ATP13A2: variants seen among roughly 807,000 people sequenced by gnomAD.
ATP13A2 encodes polyamine-transporting ATPase 13A2.
In ATP13A2, 83 loss-of-function variants were observed where a neutral mutation model predicts 138.3. That is an observed-to-expected ratio of 0.60 (90% CI 0.50 to 0.72). The LOEUF (loss-of-function observed/expected upper bound fraction) is 0.72. ATP13A2 is among the 30% of genes least tolerant of loss of function. The pLI is 0.00. For missense variants in ATP13A2, 1,402 were observed against 1,606.4 expected (o/e 0.87, Z 2.17); for synonymous variants, 663 against 699.0 (o/e 0.95, Z 0.81).
intron 21 of ATP13A2, 21 bp downstream of exon 21, chr1:16,990,106 G>A: frequency 6.2e-7 from 1 of 1,614,160 alleles, no homozygotes; most frequent in Non-Finnish European, 8.5e-7. Flanking sequence ...AGGTACAGCT[G>A]GAACTCTGGG....
At position 16,997,089 on chromosome 1, in the gene ATP13A2, A is replaced by G. The variant is rs1570833382; in HGVS notation, c.1126T>C (p.Cys376Arg). ...CGGGCCTGCAAGATGAGGGTCCCGC[A>G]GAAGAGTGTGTGCCGCCGGTGTGTC... ...AETHRRHTLF[C>R]GTLILQARAY... The change falls in exon 12 of 29, where the codon TGC becomes CGC. Residue 376 changes from cysteine (C) to arginine (R), a missense_variant. Cys to Arg is a radical substitution (Grantham distance 180). Transcript: ENST00000326735. The G allele has an allele frequency of 1.2e-6, 2 of 1,613,666 alleles. No individual in the cohort carries two copies. The highest frequency in any genetic ancestry group is 8.5e-7 in the Non-Finnish European group (1 of 1,180,004).
intron 15 of ATP13A2, among the ~76,000 whole-genome samples, chr1:16,994,875 G>T (rs896929548): frequency 1.3e-5 from 2 of 152,108 alleles, no homozygotes; most frequent in Admixed American, 6.5e-5. Context: ...TATTGGCCAG[G>T]CTGGTCTTGA....
At chr1:17,010,416 T>C (rs2077741966) in intron 1 of ATP13A2, among the ~76,000 whole-genome samples, 1 of 151,992 alleles carries the variant, frequency 6.6e-6, no homozygotes, top group Non-Finnish European at 1.5e-5. Flanking sequence ...TCCCATGGAG[T>C]GCTCACCATG....
chr1:17,005,294 G>A, intron 3 of ATP13A2, 80 bp downstream of exon 3: 3 of 1,541,524 alleles, frequency 1.9e-6, no homozygotes, highest in Non-Finnish European at 2.6e-6. Context: ...TCAGTGGCCG[G>A]GTTGGCACCC....
chr1:16,990,374 G>A (rs1232002569), intron 20 of ATP13A2, 87 bp from the exon 21 acceptor site: 1 of 1,542,332 alleles, frequency 6.5e-7, no homozygotes, highest in Non-Finnish European at 8.9e-7. Flanking sequence ...AAACAGGCTG[G>A]ATGAAATCCG....
At chr1:17,007,583 GCT>G (rs2077607852) in intron 1 of ATP13A2, among the ~76,000 whole-genome samples, 3 of 128,968 alleles carry the variant, frequency 2.3e-5, no homozygotes, top group Admixed American at 9.6e-5. Context: ...AGCGAGTCTC[GCT>G]CTGTCACCCA....
In ATP13A2 at chr1:16,992,253, G is replaced by T. The variant is rs1293019983; in HGVS notation, c.1995C>A (p.Asn665Lys). The stretch of plus-strand genomic sequence containing the variant: ...GGCTTCCCCCTGCACCTGTCTCGGG[G>T]TTGCAGAGCCCTGCCACCAGCTCCG... ...GSPELVAGLC[N>K]PETVPTDFAQ... The change falls in exon 18 of 29, where the codon AAC (asparagine) becomes AAA (lysine). Residue 665 changes from asparagine to lysine, a missense_variant. By Grantham distance (94) the Asn-to-Lys change is moderately conservative. Coordinates refer to ENST00000326735, the MANE Select transcript of ATP13A2 (RefSeq NM_022089.4). 6.8e-6 allele frequency: 11 copies of T among 1,612,592 alleles called. No homozygotes were observed. The East Asian group carries it at 2.5e-4, about 36-fold the overall frequency.
intron 20 of ATP13A2, among the ~76,000 whole-genome samples, chr1:16,991,140 G>A (rs570537535): frequency 3.3e-5 from 5 of 152,100 alleles, no homozygotes; most frequent in Admixed American, 6.6e-5. Context: ...TAGTAGAGAC[G>A]GGGTTTCACT....
chr1:16,993,859 C>T (rs1165403212), intron 15 of ATP13A2, 24 bp from the exon 16 acceptor site: 1 of 1,531,752 alleles, frequency 6.5e-7, no homozygotes. Context: ...GTGGGTGGGG[C>T]AGCGATGAGT....
chr1:17,010,937 G>A (rs1282944763), intron 1 of ATP13A2, among the ~76,000 whole-genome samples: 3 of 152,142 alleles, frequency 2.0e-5, no homozygotes, highest in Non-Finnish European at 4.4e-5. Flanking sequence ...GGGAGTGTGT[G>A]TGAACCATCT....
At chr1:17,010,339 A>C (rs1359801060) in intron 1 of ATP13A2, among the ~76,000 whole-genome samples, 1 of 152,032 alleles carries the variant, frequency 6.6e-6, no homozygotes, top group Non-Finnish European at 1.5e-5. Context: ...CAGGCTCCCA[A>C]AGTGCTGGGA....
Position 16,996,422 on chromosome 1 carries a change from G to C in ATP13A2, c.1270C>G (p.His424Asp), listed in dbSNP as rs2077126385. 1 of 1,614,186 alleles carries C rather than the reference G, an allele frequency of 6.2e-7. No individual in the cohort carries two copies. Among genetic ancestry groups the C allele is most frequent in the Non-Finnish European group, 8.5e-7 (1 of 1,180,028 alleles). ...PRPINFKFYK[H>D]SMKFVAALSV... Reference sequence around the variant, plus strand: ...AGGGCAGCCACAAACTTCATGCTGTGTTTATAGAACTTGAAGTTGATGGGC... The same window carrying C: ...AGGGCAGCCACAAACTTCATGCTGTCTTTATAGAACTTGAAGTTGATGGGC... Residue 424 changes from histidine (H) to aspartate (D), a missense_variant, in exon 13 of 29, where the codon CAC becomes GAC. His to Asp is a moderately conservative substitution (Grantham distance 81). Transcript: ENST00000326735.
rs1287774416 is a variant in ATP13A2 at position 17,005,745 on chromosome 1, C to T, written c.44G>A (p.Gly15Asp). 1 of 1,613,022 alleles carries T rather than the reference C, an allele frequency of 6.2e-7. No individual in the cohort carries two copies. The highest frequency in any genetic ancestry group is 8.5e-7 in the Non-Finnish European group (1 of 1,179,528). Residue 15 changes from glycine to aspartate, a missense_variant, in exon 2 of 29, where the codon GGT becomes GAT. Transcript: ENST00000326735. ...TGTCCCTATCGTCAGGGTCCCATAA[C>T]CGGTGGGCGTGCTGCCCACGAGAGG... is the stretch of plus-strand genomic sequence containing the variant. ...SSPLVGSTPT[G>D]YGTLTIGTSI...
chr1:17,009,542 C>A (rs1486903588), intron 1 of ATP13A2, among the ~76,000 whole-genome samples: 3 of 151,922 alleles, frequency 2.0e-5, no homozygotes, highest in Non-Finnish European at 4.4e-5. Context: ...GCACTACAGG[C>A]AGGTGCCACT....
chr1:16,992,345 G>A lies in ATP13A2; in HGVS notation c.1903C>T (p.Gln635Ter), dbSNP rs773246271. The A allele has an allele frequency of 2.9e-5, 46 of 1,613,016 alleles. No individual in the cohort carries two copies. Among genetic ancestry groups the A allele is most frequent in the Non-Finnish European group, 3.8e-5 (45 of 1,179,814 alleles). Residue 635 changes from glutamine to a stop codon, truncating the protein, a stop_gained, in exon 18 of 29, where the codon CAG becomes TAG. Transcript: ENST00000326735. LOFTEE classifies it high-confidence loss of function. The stretch of plus-strand genomic sequence containing the variant: ...CACGCCACCACCACACTCATGCGCT[G>A]CAGAGCCGAAGAGAAGGGGAAGCGG... ...LHRFPFSSAL[Q>*]RMSVVVAWPG...
rs367854366 is a variant in ATP13A2, at chr1:16,986,084, T to C, written c.*137A>G. 1.6e-5 allele frequency: 24 copies of C among 1,533,124 alleles called. No individual in the cohort carries two copies. Among genetic ancestry groups the C allele is most frequent in the Non-Finnish European group, 2.1e-5 (24 of 1,138,094 alleles). 95.0% of individuals were successfully genotyped at this position (1,533,124 alleles called of 1,614,324 possible). On this transcript the variant is annotated 3_prime_UTR_variant, in exon 29 of 29. Transcript: ENST00000326735. The surrounding 1 kb of genome is among the most constrained non-coding windows in gnomAD (Gnocchi z 6.9). ...AGTCAACGCTTCCCCAGGGTGGGGG[T>C]GGTCTCGGGGGAGGAGTGTAGACAG...
Position 16,989,677 on chromosome 1 carries a change from T to G in ATP13A2, c.2609+14A>C. On this transcript the variant is annotated intron_variant, in intron 23 of 28. Coordinates refer to ENST00000326735, the MANE Select transcript of ATP13A2 (RefSeq NM_022089.4). Reference sequence around the variant, plus strand: ...TCCGCAGGCCCTTGCCCACACCCTCTGCCGAGCACTCACTGAAGCTTCTGT... The same window carrying G: ...TCCGCAGGCCCTTGCCCACACCCTCGGCCGAGCACTCACTGAAGCTTCTGT... 1 of 1,613,924 alleles carries G rather than the reference T, an allele frequency of 6.2e-7. No individual in the cohort carries two copies. The highest frequency in any genetic ancestry group is 1.1e-5 in the South Asian group (1 of 91,072).
At chr1:17,010,370 G>A (rs2077740779) in intron 1 of ATP13A2, among the ~76,000 whole-genome samples, 1 of 152,148 alleles carries the variant, frequency 6.6e-6, no homozygotes, top group Non-Finnish European at 1.5e-5. Flanking sequence ...GAGCCACCAC[G>A]CCTGGCCTGT....
rs558828736 is a variant in ATP13A2 at position 17,004,643 on chromosome 1, A to T, written c.477+49T>A. The T allele has an allele frequency of 1.2e-5, 20 of 1,613,798 alleles. No homozygotes were observed. In the East Asian group the frequency reaches 4.0e-4, roughly 32 times the overall value. ...GAAGTCTGACTCTCCCATTGCACAG[A>T]TCATGAAACCGAGGCCGAGAGAGGG... On this transcript the variant is annotated intron_variant, in intron 5 of 28. Transcript: ENST00000326735. The surrounding 1 kb of genome is among the most constrained non-coding windows in gnomAD (Gnocchi z 4.1).
Sources: allele counts gnomAD v4.1 joint callset (sites outside exome capture counted in the v4.1 genomes callset), GRCh38; gene constraint gnomAD v4.1.1; non-coding constraint Gnocchi (gnomAD v3.1); transcripts MANE v1.5; gene names NCBI Gene and HGNC (gene_info 2026-07-23, HGNC 2026-07-21).